SP4: variants seen among roughly 807,000 people sequenced by gnomAD.
SP4 encodes transcription factor Sp4.
In SP4, 19 loss-of-function variants were observed where a neutral mutation model predicts 72.8. That is an observed-to-expected ratio of 0.26 (90% CI 0.18 to 0.38). The LOEUF (loss-of-function observed/expected upper bound fraction) is 0.38, where lower values mean the gene tolerates loss of function less well. Among genes scored for constraint, SP4 ranks in the 10% least tolerant of loss-of-function variants. The pLI, the probability that SP4 is intolerant of heterozygous loss-of-function variation, is 1.00. For synonymous variants in SP4, 395 were observed against 333.1 expected (o/e 1.19, Z -2.02); for missense variants, 1,008 against 926.3 (o/e 1.09, Z -1.14).
chr7:21,444,540 T>C (rs1208890126), intron 3 of SP4, among the ~76,000 whole-genome samples: 1 of 152,144 alleles, frequency 6.6e-6, no homozygotes, highest in Non-Finnish European at 1.5e-5. Flanking sequence ...CTAAACGTAC[T>C]TGTACTATTA....
intron 3 of SP4, among the ~76,000 whole-genome samples, chr7:21,434,975 T>C (rs192596051): frequency 2.0e-4 from 30 of 152,348 alleles, no homozygotes; most frequent in Admixed American, 1.4e-3. Flanking sequence ...AACTACCTGT[T>C]TTCACAATGT....
chr7:21,438,652 G>C (rs1219694376), intron 3 of SP4, among the ~76,000 whole-genome samples: 3 of 152,016 alleles, frequency 2.0e-5, no homozygotes, highest in African/African-American at 7.3e-5. Context: ...TGTGGGTTCT[G>C]TTACCTGTGG....
chr7:21,429,524 C>G lies in SP4; in HGVS notation c.359C>G (p.Pro120Arg), dbSNP rs1782758370. ...TCAAAAGAGAATAACGTTTCTCAAC[C>G]AGCCTCTAGTTCGTCTAGTTCTTCC... is the stretch of plus-strand genomic sequence containing the variant. ...PASKENNVSQ[P>R]ASSSSSSSSS... is the part of the protein sequence containing the mutation. The change falls in exon 3 of 6, where the codon CCA (proline) becomes CGA (arginine). Residue 120 changes from proline (P) to arginine (R), a missense_variant. Transcript: ENST00000222584. The G allele has an allele frequency of 6.2e-7, 1 of 1,613,954 alleles. No homozygotes were observed. Among genetic ancestry groups the G allele is most frequent in the Non-Finnish European group, 8.5e-7 (1 of 1,179,926 alleles).
At chr7:21,453,612 T>C (rs1783667306) in intron 3 of SP4, among the ~76,000 whole-genome samples, 4 of 152,254 alleles carry the variant, frequency 2.6e-5, no homozygotes, top group Admixed American at 2.6e-4. Context: ...ATTGGTGTAC[T>C]ATTGATGTCA....
Position 21,430,831 on chromosome 7 carries a change from A to C in SP4, c.1666A>C (p.Thr556Pro). Residue 556 changes from threonine (T) to proline (P), a missense_variant, in exon 3 of 6, where the codon ACT (threonine) becomes CCT (proline). This residue lies in a region of SP4 where 893 missense variants were observed against 743.3 expected (regional missense o/e 1.20). Coordinates refer to ENST00000222584, the MANE Select transcript of SP4 (RefSeq NM_003112.5). Reference protein sequence around the residue: ...VQVQGVPVTITSVAGQQQGQD... With the variant: ...VQVQGVPVTIPSVAGQQQGQD... ...AGTGCAGGGAGTTCCCGTTACAATC[A>C]CTAGTGTTGCAGGTAAGTTCTGACA... 1 of 1,609,438 alleles carries C rather than the reference A, an allele frequency of 6.2e-7. No individual in the cohort carries two copies. The highest frequency in any genetic ancestry group is 8.5e-7 in the Non-Finnish European group (1 of 1,176,824).
Position 21,477,019 on chromosome 7 carries a change from TTA to T in SP4, c.1679-59_1679-58del. ...TTATTATGCACATAGATTTTTTTTT[TTA>T]ATCCTTTCTTTAGGTGTAGAAAACA... is the stretch of plus-strand genomic sequence containing the variant. On this transcript the variant is annotated intron_variant, in intron 3 of 5. Coordinates refer to ENST00000222584, the MANE Select transcript of SP4 (RefSeq NM_003112.5). 3 of 1,317,252 alleles carry T rather than the reference TTA, an allele frequency of 2.3e-6. No individual in the cohort carries two copies. The East Asian group carries it at 7.2e-5, about 32-fold the overall frequency. The allele number at this position is 1,317,252 out of a possible 1,614,324, so 81.6% of individuals were successfully genotyped here.
chr7:21,468,874 C>G, intron 3 of SP4, among the ~76,000 whole-genome samples: 1 of 152,042 alleles, frequency 6.6e-6, no homozygotes, highest in East Asian at 1.9e-4. Context: ...ATACATTTTA[C>G]TGAATTTCTC....
intron 3 of SP4, among the ~76,000 whole-genome samples, chr7:21,448,971 C>G (rs1442254252): frequency 6.6e-6 from 1 of 152,164 alleles, no homozygotes; most frequent in Non-Finnish European, 1.5e-5. Context: ...TTTGGAAGGA[C>G]TACCTCTTCC....
At chr7:21,462,858 A>G (rs1784039650) in intron 3 of SP4, among the ~76,000 whole-genome samples, 1 of 152,222 alleles carries the variant, frequency 6.6e-6, no homozygotes, top group Non-Finnish European at 1.5e-5. Flanking sequence ...ACTTGAGAGT[A>G]TTGAGAAAAG....
intron 3 of SP4, among the ~76,000 whole-genome samples, chr7:21,467,699 T>A (rs1041594931): frequency 5.3e-5 from 8 of 152,208 alleles, no homozygotes; most frequent in Non-Finnish European, 1.0e-4. Flanking sequence ...AGACATTTTC[T>A]TAGGCAGATT....
At chr7:21,459,626 T>C (rs886721746) in intron 3 of SP4, among the ~76,000 whole-genome samples, 1 of 152,254 alleles carries the variant, frequency 6.6e-6, no homozygotes, top group Non-Finnish European at 1.5e-5. Flanking sequence ...GTAATAAGAT[T>C]ATACTGTTTT....
intron 3 of SP4, among the ~76,000 whole-genome samples, chr7:21,451,639 C>T (rs1783605575): frequency 6.6e-6 from 1 of 152,092 alleles, no homozygotes; most frequent in African/African-American, 2.4e-5. Flanking sequence ...CAGGATTTTG[C>T]CTCTGTCATG....
chr7:21,440,566 GTGGCCAGGCGTGGTGGTTCACAC>G lies in SP4; in HGVS notation c.1678+9724_1678+9746del, dbSNP rs1223489206. Among the ~76,000 whole-genome samples the G allele has an allele frequency of 2.0e-5, 3 of 152,008 alleles. 1 individual carries two copies. Among genetic ancestry groups the G allele is most frequent in the African/African-American group, 7.2e-5 (3 of 41,404 alleles). Reference sequence around the variant, plus strand: ...TATTAACAGGTGGAAAAGAAGTGGTGTGGCCAGGCGTGGTGGTTCACACCTGTAATCCCAGCACTTTGGGAGGC... The same window carrying G: ...TATTAACAGGTGGAAAAGAAGTGGTGCTGTAATCCCAGCACTTTGGGAGGC... On this transcript the variant is annotated intron_variant, in intron 3 of 5. Transcript: ENST00000222584.
At chr7:21,474,357 A>G (rs1412939904) in intron 3 of SP4, among the ~76,000 whole-genome samples, 1 of 152,242 alleles carries the variant, frequency 6.6e-6, no homozygotes, top group African/African-American at 2.4e-5. Context: ...GGTACTTACC[A>G]ACTTAAAATA....
At position 21,511,516 on chromosome 7, in the gene SP4, T is replaced by C. The variant is rs1782142969; in HGVS notation, c.*247T>C. ...TATAAGTTGTAGTTGTTTGGAAATA[T>C]ATCACATAACCTTTATACAGAATCT... On this transcript the variant is annotated 3_prime_UTR_variant, in exon 6 of 6. Transcript: ENST00000222584. The C allele has an allele frequency of 2.2e-6, 1 of 445,202 alleles. No individual in the cohort carries two copies. Among genetic ancestry groups the C allele is most frequent in the South Asian group, 3.1e-5 (1 of 32,204 alleles). The allele number at this position is 445,202 out of a possible 1,614,324, so 27.6% of individuals were successfully genotyped here. A position where few individuals can be genotyped will look rare whatever the true frequency, so the allele number is the denominator to read the frequency against.
At chr7:21,455,496 C>T (rs1490050227) in intron 3 of SP4, among the ~76,000 whole-genome samples, 1 of 152,194 alleles carries the variant, frequency 6.6e-6, no homozygotes, top group Non-Finnish European at 1.5e-5. Context: ...TCCCCTCTTA[C>T]TTTCCTATAT....
At chr7:21,428,381 G>A in intron 1 of SP4, 123 bp downstream of exon 1, 1 of 706,780 alleles carries the variant, frequency 1.4e-6, no homozygotes, top group Non-Finnish European at 2.6e-6. Context: ...GAGGAGGAGA[G>A]GGCGGGAGGG....
At chr7:21,482,356 T>C (rs926368229) in intron 5 of SP4, among the ~76,000 whole-genome samples, 1 of 152,242 alleles carries the variant, frequency 6.6e-6, no homozygotes, top group Non-Finnish European at 1.5e-5. Flanking sequence ...GTGGAATTTA[T>C]TCCATTTGTT....
intron 3 of SP4, among the ~76,000 whole-genome samples, chr7:21,432,066 G>A (rs1409491787): frequency 6.6e-6 from 1 of 152,180 alleles, no homozygotes; most frequent in East Asian, 1.9e-4. Context: ...TGTTGGAAAT[G>A]TTTATGTTTT....
Sources: allele counts gnomAD v4.1 joint callset (sites outside exome capture counted in the v4.1 genomes callset), GRCh38; gene constraint gnomAD v4.1.1; regional missense constraint gnomAD v4.1.1; transcripts MANE v1.5; gene names NCBI Gene and HGNC (gene_info 2026-07-23, HGNC 2026-07-21).